Variants in SLC6A3 observed in about 807,000 individuals in gnomAD.
The protein encoded by SLC6A3 is solute carrier family 6 member 3.
Under a neutral mutation model 70.4 loss-of-function variants are expected in SLC6A3, and 19 were observed. That is an observed-to-expected ratio of 0.27 (90% CI 0.19 to 0.40). The LOEUF is 0.40. Among genes scored for constraint, SLC6A3 ranks in the 10% least tolerant of loss-of-function variants. The probability of loss-of-function intolerance (pLI) is 1.00; values close to 1 mark genes in which losing one functional copy is unlikely to be tolerated. For synonymous variants in SLC6A3, 368 were observed against 356.6 expected, an observed-to-expected ratio of 1.03 and a Z score of -0.36; for missense variants, 613 against 838.5, an observed-to-expected ratio of 0.73 and a Z score of 3.32.
chr5:1,406,438 C>G lies in SLC6A3; in HGVS notation c.1499-150G>C, dbSNP rs1039053017. 2.3e-5 allele frequency: 16 copies of G among 706,412 alleles called. No homozygotes were observed. In the African/African-American group the frequency reaches 2.4e-4, roughly 11 times the overall value. 43.8% of individuals were successfully genotyped at this position (706,412 alleles called of 1,614,324 possible). ...CAGCCTCCTGCAGAGGAGGCCAGGC[C>G]ACACCCCAGCCCACTGGGTGCCTCG... On this transcript the variant is annotated intron_variant, in intron 11 of 14. Coordinates refer to ENST00000270349, the MANE Select transcript of SLC6A3 (RefSeq NM_001044.5). This position sits in a 1 kb window ranked among gnomAD's most constrained non-coding sequence, Gnocchi z 8.8.
At chr5:1,400,377 G>A (rs1392744758) in intron 14 of SLC6A3, among the ~76,000 whole-genome samples, 4 of 152,262 alleles carry the variant, frequency 2.6e-5, no homozygotes, top group Admixed American at 2.6e-4. Context: ...CCTGCTCCAC[G>A]GCATGTCATG....
rs1391745259 is a variant in SLC6A3 at position 1,442,532 on chromosome 5, A to T, written c.286+380T>A. ...CCACTCCAGGCTCCAGGGCCTCCAC[A>T]TGCTTTGCAAAGGCTGCCAAAGTCA... On this transcript the variant is annotated intron_variant, in intron 2 of 14. Transcript: ENST00000270349. The surrounding 1 kb of genome is among the most constrained non-coding windows in gnomAD (Gnocchi z 5.0). 6.6e-6 allele frequency among the ~76,000 whole-genome samples: 1 copy of T among 152,178 alleles called. No individual in the cohort carries two copies. Among genetic ancestry groups the T allele is most frequent in the Non-Finnish European group, 1.5e-5 (1 of 68,036 alleles).
intron 4 of SLC6A3, among the ~76,000 whole-genome samples, chr5:1,430,525 C>G (rs1756671595): frequency 6.6e-6 from 1 of 152,180 alleles, no homozygotes; most frequent in Non-Finnish European, 1.5e-5. Flanking sequence ...GAGAACTGGT[C>G]CCTTTCCGGC....
Position 1,411,208 on chromosome 5 carries a change from G to T in SLC6A3, c.1269+35C>A. The T allele has an allele frequency of 6.9e-7, 1 of 1,445,258 alleles. No individual in the cohort carries two copies. The allele number at this position is 1,445,258 out of a possible 1,614,324, so 89.5% of individuals were successfully genotyped here. ...CCCCTCGGGTGGAAGGAACCCAACT[G>T]CCGAGGACAGGGCCGGGCGGTGCGG... On this transcript the variant is annotated intron_variant, in intron 9 of 14. Transcript: ENST00000270349. The surrounding 1 kb of genome is among the most constrained non-coding windows in gnomAD (Gnocchi z 6.5).
At chr5:1,431,100 G>A (rs1354781169) in intron 4 of SLC6A3, among the ~76,000 whole-genome samples, 2 of 152,256 alleles carry the variant, frequency 1.3e-5, no homozygotes, top group Admixed American at 6.5e-5. Flanking sequence ...CGGCTGAGTC[G>A]AAGAGTCCGC....
Position 1,414,846 on chromosome 5 carries a change from C to T in SLC6A3, c.1032-31G>A, listed in dbSNP as rs201464694. 6 of 1,612,364 alleles carry T rather than the reference C, an allele frequency of 3.7e-6. No individual in the cohort carries two copies. In the Admixed American group the frequency reaches 5.0e-5, roughly 13 times the overall value. On this transcript the variant is annotated intron_variant, in intron 7 of 14. Transcript: ENST00000270349. ...AGAACAAGACACGCCGTCTCAGGAA[C>T]CAGCTGAGCTGCAGCAGCTGCAATT...
At position 1,393,349 on chromosome 5, in the gene SLC6A3, G is replaced by C. The variant is rs964614106; in HGVS notation, c.*1386C>G. ...TGGCCAACATCCTTCACTCAGTATT[G>C]CTAATTATTCTTGTAAACAAAAACT... On this transcript the variant is annotated 3_prime_UTR_variant, in exon 15 of 15. Transcript: ENST00000270349. The C allele has an allele frequency of 1.3e-5, 2 of 152,450 alleles. No homozygotes were observed. Among genetic ancestry groups the C allele is most frequent in the Admixed American group, 6.5e-5 (1 of 15,292 alleles). 9.4% of individuals were successfully genotyped at this position (152,450 alleles called of 1,614,324 possible).
chr5:1,439,844 T>C lies in SLC6A3; in HGVS notation c.418+1515A>G, dbSNP rs1003325687. Among the ~76,000 whole-genome samples the C allele has an allele frequency of 3.3e-5, 5 of 152,116 alleles. No homozygotes were observed. In the South Asian group the frequency reaches 8.3e-4, roughly 25 times the overall value. On this transcript the variant is annotated intron_variant, in intron 3 of 14. Transcript: ENST00000270349. ...GGCAAGTGTGACCTGCGTGCAGGGA[T>C]TGGGGAGTCAGAAACGTCTGGGATC...
chr5:1,400,376 C>T lies in SLC6A3; in HGVS notation c.1839+539G>A, dbSNP rs192602772. ...TGCCCCCGGGAATGCACCTGCTCCA[C>T]GGCATGTCATGAACATGTTCGCACA... On this transcript the variant is annotated intron_variant, in intron 14 of 14. Coordinates refer to ENST00000270349, the MANE Select transcript of SLC6A3 (RefSeq NM_001044.5). Among the ~76,000 whole-genome samples, 62 of 152,310 alleles carry T rather than the reference C, an allele frequency of 4.1e-4. No homozygotes were observed. In the East Asian group the frequency reaches 0.011, roughly 28 times the overall value.
At chr5:1,434,603 A>G (rs1756785350) in intron 3 of SLC6A3, among the ~76,000 whole-genome samples, 1 of 145,592 alleles carries the variant, frequency 6.9e-6, no homozygotes, top group African/African-American at 2.6e-5. Flanking sequence ...GGTTCACTTT[A>G]CTAAGCTCCA....
rs111362222 is a variant in SLC6A3, at chr5:1,414,809, C to T, written c.1038G>A (p.Ala346=). 7.3e-5 allele frequency: 118 copies of T among 1,612,914 alleles called. No homozygotes were observed. Among genetic ancestry groups the T allele is most frequent in the Middle Eastern group, 3.3e-4 (2 of 6,062 alleles). ...NKFTNNCYRD[A]IVTTSINSLT... is the part of the protein sequence containing the mutation. ...GGGAGTTGATGGAGGTGGTGACAATCGCGTCCCTGTAAGAACAAGACACGC... is the reference window on the plus strand; with the variant it reads ...GGGAGTTGATGGAGGTGGTGACAATTGCGTCCCTGTAAGAACAAGACACGC... The change falls in exon 8 of 15, where the codon GCG becomes GCA. Residue 346 remains alanine, a synonymous_variant. Transcript: ENST00000270349.
intron 11 of SLC6A3, among the ~76,000 whole-genome samples, chr5:1,407,744 C>T (rs1370729603): frequency 6.6e-6 from 1 of 152,210 alleles, no homozygotes; most frequent in African/African-American, 2.4e-5. Context: ...AAGTGATAGA[C>T]AAAGTATTGA....
Position 1,400,978 on chromosome 5 carries a change from G to T in SLC6A3, c.1776C>A (p.Ala592=). The change falls in exon 14 of 15, where the codon GCC becomes GCA. Residue 592 remains alanine, a synonymous_variant. Transcript: ENST00000270349. ...SLPGSFREKL[A]YAIAPEKDRE... Reference sequence around the variant, plus strand: ...GGTCCTTCTCGGGTGCAATGGCGTAGGCCAGTTTCTGAAAGAGAAAGAGAG... The same window carrying T: ...GGTCCTTCTCGGGTGCAATGGCGTATGCCAGTTTCTGAAAGAGAAAGAGAG... The T allele has an allele frequency of 6.3e-7, 1 of 1,595,704 alleles. No individual in the cohort carries two copies. Among genetic ancestry groups the T allele is most frequent in the African/African-American group, 1.3e-5 (1 of 74,728 alleles).
intron 4 of SLC6A3, among the ~76,000 whole-genome samples, chr5:1,423,488 G>C (rs546869389): frequency 6.6e-6 from 1 of 152,230 alleles, no homozygotes; most frequent in South Asian, 2.1e-4. Flanking sequence ...GATGGCTCAC[G>C]ACACCTGCTC....
intron 3 of SLC6A3, among the ~76,000 whole-genome samples, chr5:1,440,891 A>G (rs1242015354): frequency 6.6e-6 from 1 of 152,206 alleles, no homozygotes; most frequent in East Asian, 1.9e-4. Flanking sequence ...AGTTTGTGTC[A>G]TTTGTTACAG....
rs28363109 is a variant in SLC6A3, at chr5:1,408,782, C to T, written c.1498+244G>A. On this transcript the variant is annotated intron_variant, in intron 11 of 14. Coordinates refer to ENST00000270349, the MANE Select transcript of SLC6A3 (RefSeq NM_001044.5). The surrounding 1 kb of genome is among the most constrained non-coding windows in gnomAD (Gnocchi z 6.4). ...CCTCTAGCGTGGAGGAGGCAGAAGA[C>T]GCCCAGCCGCTGTGAACACCTCTGA... Among the ~76,000 whole-genome samples the T allele has an allele frequency of 3.8e-3, 576 of 152,306 alleles. 2 individuals carry two copies. The highest frequency in any genetic ancestry group is 0.011 in the African/African-American group (447 of 41,552).
Position 1,398,451 on chromosome 5 carries a change from T to C in SLC6A3, c.1839+2464A>G, listed in dbSNP as rs1755772929. Among the ~76,000 whole-genome samples, 6 of 143,980 alleles carry C rather than the reference T, an allele frequency of 4.2e-5. No homozygotes were observed. The South Asian group carries it at 1.3e-3, about 32-fold the overall frequency. 94.5% of individuals were successfully genotyped at this position (143,980 alleles called of 152,430 possible). On this transcript the variant is annotated intron_variant, in intron 14 of 14. Transcript: ENST00000270349. Reference sequence around the variant, plus strand: ...ATAAAAATGAGTGAACCAAGAAAAATCAATCTATAAAAAGGCAATAAAGGA... The same window carrying C: ...ATAAAAATGAGTGAACCAAGAAAAACCAATCTATAAAAAGGCAATAAAGGA...
chr5:1,403,787 G>T (rs1165657625), intron 12 of SLC6A3, among the ~76,000 whole-genome samples: 1 of 152,156 alleles, frequency 6.6e-6, no homozygotes, highest in Non-Finnish European at 1.5e-5. Context: ...AAAGGTAACA[G>T]AGGGTGGGGT....
At chr5:1,430,860 T>G (rs1349289887) in intron 4 of SLC6A3, among the ~76,000 whole-genome samples, 1 of 152,218 alleles carries the variant, frequency 6.6e-6, no homozygotes, top group Non-Finnish European at 1.5e-5. Flanking sequence ...CCCTGTTTTC[T>G]GACTCAAAAC....
Sources: gnomAD v4.1 joint callset for allele counts (sites outside exome capture counted in the v4.1 genomes callset) on GRCh38, gnomAD v4.1.1 for gene constraint, Gnocchi (gnomAD v3.1) non-coding constraint, MANE v1.5 for transcripts, NCBI Gene and HGNC (gene_info 2026-07-23, HGNC 2026-07-21) for gene names.